PDE3B: variants seen among roughly 807,000 people sequenced by gnomAD.
The protein encoded by PDE3B is cGMP-inhibited 3',5'-cyclic phosphodiesterase 3B.
PDE3B carries 66 observed loss-of-function variants against 116.8 expected under a neutral mutation model. The observed-to-expected ratio is 0.56, with a 90% CI of 0.46 to 0.69. PDE3B has a LOEUF of 0.69. Among genes scored for constraint, PDE3B ranks in the 30% least tolerant of loss-of-function variants. The pLI, the probability that PDE3B is intolerant of heterozygous loss-of-function variation, is 0.00. For missense variants in PDE3B, 1,384 were observed against 1,368.1 expected, an observed-to-expected ratio of 1.01 and a Z score of -0.18; for synonymous variants, 595 against 533.6, an observed-to-expected ratio of 1.12 and a Z score of -1.59.
intron 1 of PDE3B, among the ~76,000 whole-genome samples, chr11:14,760,829 T>C (rs1300204146): frequency 1.3e-5 from 2 of 152,214 alleles, no homozygotes; most frequent in East Asian, 1.9e-4. Context: ...GTACATGTGA[T>C]ATTTTAATAC....
chr11:14,869,284 C>T (rs546895751), intron 15 of PDE3B, among the ~76,000 whole-genome samples, 177 bp from the exon 16 acceptor site: 21 of 151,978 alleles, frequency 1.4e-4, no homozygotes, highest in East Asian at 1.4e-3. Context: ...AACACCATAA[C>T]GCAGGGATTA....
At chr11:14,746,369 A>G (rs1172607017) in intron 1 of PDE3B, among the ~76,000 whole-genome samples, 2 of 152,172 alleles carry the variant, frequency 1.3e-5, no homozygotes, top group Admixed American at 1.3e-4. Flanking sequence ...TGGGTGATGG[A>G]GTGACACTCT....
At chr11:14,827,979 G>T (rs1013711880) in intron 7 of PDE3B, among the ~76,000 whole-genome samples, 1 of 152,134 alleles carries the variant, frequency 6.6e-6, no homozygotes, top group African/African-American at 2.4e-5. Context: ...ATAGACCAAT[G>T]GGACAGAATA....
intron 1 of PDE3B, among the ~76,000 whole-genome samples, chr11:14,678,406 A>G (rs1854595952): frequency 6.6e-6 from 1 of 152,172 alleles, no homozygotes; most frequent in East Asian, 1.9e-4. Flanking sequence ...TAACTTTATA[A>G]GAAATTGCCA....
chr11:14,651,610 C>T (rs575819698), intron 1 of PDE3B, among the ~76,000 whole-genome samples: 1 of 152,240 alleles, frequency 6.6e-6, no homozygotes, highest in African/African-American at 2.4e-5. Flanking sequence ...TTAAGTTTGG[C>T]TAGTCTAGTG....
rs201854538 is a variant in PDE3B at position 14,859,200 on chromosome 11, C to T, written c.2678C>T (p.Thr893Met). ...RFLVIEAILA[T>M]DLKKHFDFLA... ...TTAGTCATTGAAGCAATCCTTGCTA[C>T]GGATCTTAAAAAGCATTTTGATTTT... The change falls in exon 13 of 16, where the codon ACG becomes ATG. Residue 893 changes from threonine to methionine, a missense_variant. Thr to Met is a moderately conservative substitution (Grantham distance 81). This residue lies in a region of PDE3B where 428 missense variants were observed against 561.4 expected (regional missense o/e 0.76). Coordinates refer to ENST00000282096, the MANE Select transcript of PDE3B (RefSeq NM_000922.4). The T allele has an allele frequency of 1.0e-4, 162 of 1,612,610 alleles. No homozygotes were observed. The highest frequency in any genetic ancestry group is 1.3e-4 in the Non-Finnish European group (153 of 1,179,478).
At chr11:14,786,175 T>TAATC (rs111870139) in intron 2 of PDE3B, among the ~76,000 whole-genome samples, 23,133 of 151,840 alleles carry the variant, frequency 0.15, 2,727 homozygotes, top group African/African-American at 0.33. Flanking sequence ...GGAAAGGAAA[T>TAATC]AATGAATTAA....
At chr11:14,798,218 T>C (rs895479376) in intron 4 of PDE3B, among the ~76,000 whole-genome samples, 1 of 152,228 alleles carries the variant, frequency 6.6e-6, no homozygotes, top group South Asian at 2.1e-4. Context: ...GTTCTGTTTA[T>C]GTGATGGATT....
intron 11 of PDE3B, among the ~76,000 whole-genome samples, chr11:14,842,492 T>C (rs1031031291): frequency 6.6e-6 from 1 of 152,218 alleles, no homozygotes; most frequent in African/African-American, 2.4e-5. Flanking sequence ...TGTATTGATA[T>C]TTAAAGTCTT....
intron 2 of PDE3B, chr11:14,772,188 AAG>A (rs1284581521): frequency 1.4e-5 from 4 of 288,948 alleles, no homozygotes; most frequent in African/African-American, 2.2e-5. Flanking sequence ...ATAAGGGAAA[AAG>A]AAAATGATAA....
chr11:14,793,693 C>T (rs373017743), intron 4 of PDE3B, among the ~76,000 whole-genome samples: 2 of 152,260 alleles, frequency 1.3e-5, no homozygotes, highest in South Asian at 4.2e-4. Context: ...TTCAATTACC[C>T]TGTGGGCTAT....
At chr11:14,713,793 G>A (rs1391016490) in intron 1 of PDE3B, among the ~76,000 whole-genome samples, 2 of 152,050 alleles carry the variant, frequency 1.3e-5, no homozygotes, top group Non-Finnish European at 1.5e-5. Flanking sequence ...ACTTGGAAAG[G>A]CATCACAGAG....
At chr11:14,849,112 C>T (rs1847680816) in intron 12 of PDE3B, among the ~76,000 whole-genome samples, 1 of 151,572 alleles carries the variant, frequency 6.6e-6, no homozygotes. Flanking sequence ...CTAACCAAAA[C>T]AGCATGGTAC....
chr11:14,892,021 G>T, the PDE3B span: 16 of 1,613,360 alleles, frequency 9.9e-6, no homozygotes, highest in Non-Finnish European at 1.4e-5. Flanking sequence ...GTAGACATGG[G>T]GAAGCTCGGA....
chr11:14,878,171 C>T, the PDE3B span: 1 of 1,613,082 alleles, frequency 6.2e-7, no homozygotes, highest in Non-Finnish European at 8.5e-7. Flanking sequence ...CAATGTCATG[C>T]CTAACCTGGG....
At chr11:14,839,074 G>T (rs1042363300) in intron 11 of PDE3B, among the ~76,000 whole-genome samples, 1 of 152,202 alleles carries the variant, frequency 6.6e-6, no homozygotes, top group Non-Finnish European at 1.5e-5. Flanking sequence ...TTCCTGGAGA[G>T]TGAAATGCTA....
chr11:14,870,739 T>TATC lies in PDE3B; in HGVS notation c.*1081_*1083dup, dbSNP rs1848128964. 6.6e-6 allele frequency: 1 copy of TATC among 152,204 alleles called. No individual in the cohort carries two copies. The highest frequency in any genetic ancestry group is 6.5e-5 in the Admixed American group (1 of 15,272). 9.4% of individuals were successfully genotyped at this position (152,204 alleles called of 1,614,324 possible). ...TAAAGACTACATGACAGAAATGACC[T>TATC]ATCACTACTTATTATTTCTGAAGCC... On this transcript the variant is annotated 3_prime_UTR_variant, in exon 16 of 16. Transcript: ENST00000282096. The surrounding 1 kb of genome is among the most constrained non-coding windows in gnomAD (Gnocchi z 4.1).
At chr11:14,760,443 G>C (rs1021208119) in intron 1 of PDE3B, among the ~76,000 whole-genome samples, 3 of 152,134 alleles carry the variant, frequency 2.0e-5, no homozygotes, top group Admixed American at 1.3e-4. Context: ...GAGACTGAAG[G>C]TGCATAATTT....
intron 1 of PDE3B, among the ~76,000 whole-genome samples, chr11:14,696,827 T>A (rs966745722): frequency 3.3e-5 from 5 of 152,302 alleles, no homozygotes; most frequent in Middle Eastern, 3.4e-3. Flanking sequence ...GTCCAACTTA[T>A]TTTTTTCTTT....
Sources: gnomAD v4.1 joint callset for allele counts (sites outside exome capture counted in the v4.1 genomes callset) on GRCh38, gnomAD v4.1.1 for gene constraint, gnomAD v4.1.1 regional missense constraint, Gnocchi (gnomAD v3.1) non-coding constraint, MANE v1.5 for transcripts, NCBI Gene and HGNC (gene_info 2026-07-23, HGNC 2026-07-21) for gene names.